CSMD3: variants seen among roughly 807,000 people sequenced by gnomAD.
CSMD3 encodes CUB and Sushi multiple domains 3, also known as CUB and sushi domain-containing protein 3.
A neutral mutation model predicts 435.2 loss-of-function variants in CSMD3; 177 were observed. The observed-to-expected ratio is 0.41, with a 90% CI of 0.36 to 0.46. CSMD3 has a LOEUF of 0.46. CSMD3 is among the 20% of genes least tolerant of loss of function. The pLI, the probability that CSMD3 is intolerant of heterozygous loss-of-function variation, is 0.34. For missense variants in CSMD3, 4,265 were observed against 4,504.6 expected, an observed-to-expected ratio of 0.95 and a Z score of 1.52; for synonymous variants, 1,656 against 1,520.5, an observed-to-expected ratio of 1.09 and a Z score of -2.07.
intron 4 of CSMD3, among the ~76,000 whole-genome samples, chr8:113,120,945 G>A (rs2090968086): frequency 6.6e-6 from 1 of 152,142 alleles, no homozygotes; most frequent in Non-Finnish European, 1.5e-5. Context: ...CAGGGCCTCA[G>A]AAACAACAAT....
chr8:112,357,881 C>T (rs948447914), intron 38 of CSMD3, among the ~76,000 whole-genome samples: 6 of 152,196 alleles, frequency 3.9e-5, no homozygotes, highest in African/African-American at 1.2e-4. Flanking sequence ...AGAGCCCCTA[C>T]ACAGAGTCCC....
chr8:113,131,962 G>T (rs1057355978), intron 4 of CSMD3, among the ~76,000 whole-genome samples: 6 of 152,220 alleles, frequency 3.9e-5, no homozygotes, highest in Non-Finnish European at 7.4e-5. Context: ...AGCATGCCCT[G>T]GATATGAGAC....
At chr8:113,068,012 A>C (rs1282991071) in intron 5 of CSMD3, among the ~76,000 whole-genome samples, 1 of 152,128 alleles carries the variant, frequency 6.6e-6, no homozygotes, top group African/African-American at 2.4e-5. Flanking sequence ...TTTGAATAAA[A>C]TTTCATTACT....
At chr8:113,039,586 C>T (rs1399887682) in intron 5 of CSMD3, among the ~76,000 whole-genome samples, 1 of 152,032 alleles carries the variant, frequency 6.6e-6, no homozygotes, top group East Asian at 1.9e-4. Flanking sequence ...CCTCCACACA[C>T]ATTTATTTGT....
intron 20 of CSMD3, among the ~76,000 whole-genome samples, chr8:112,642,616 A>T (rs1045451612): frequency 1.3e-5 from 2 of 152,202 alleles, no homozygotes; most frequent in Non-Finnish European, 2.9e-5. Flanking sequence ...CACAATGTAA[A>T]TGTAAATGAA....
chr8:113,420,892 G>C (rs1408977860), intron 1 of CSMD3, among the ~76,000 whole-genome samples: 2 of 151,532 alleles, frequency 1.3e-5, no homozygotes, highest in East Asian at 1.9e-4. Context: ...GGAGGTTGTA[G>C]TAGCTGAGAT....
chr8:112,656,778 C>G lies in CSMD3; in HGVS notation c.2817-437G>C, dbSNP rs1181687018. Among the ~76,000 whole-genome samples, 9 of 152,044 alleles carry G rather than the reference C, an allele frequency of 5.9e-5. No individual in the cohort carries two copies. The East Asian group carries it at 1.7e-3, about 29-fold the overall frequency. On this transcript the variant is annotated intron_variant, in intron 17 of 70. Transcript: ENST00000297405. The stretch of plus-strand genomic sequence containing the variant: ...TCTGCTTTTATAATTATTTTTTATT[C>G]AAGTGTTTTTTATTGATACATAACA...
chr8:112,602,044 C>T (rs972179723), intron 22 of CSMD3, among the ~76,000 whole-genome samples: 12 of 152,004 alleles, frequency 7.9e-5, no homozygotes, highest in Admixed American at 7.2e-4. Context: ...GCATTTTCTT[C>T]TATTACTTTA....
chr8:112,586,290 C>T (rs1486595945), intron 23 of CSMD3, among the ~76,000 whole-genome samples: 1 of 151,068 alleles, frequency 6.6e-6, no homozygotes, highest in Non-Finnish European at 1.5e-5. Context: ...TTTAGAAAAA[C>T]TTAACAATTA....
chr8:112,278,359 A>G (rs1334868882), intron 59 of CSMD3, among the ~76,000 whole-genome samples: 1 of 152,180 alleles, frequency 6.6e-6, no homozygotes, highest in African/African-American at 2.4e-5. Context: ...CAAGATTTAA[A>G]TGATAGATCT....
At chr8:112,647,576 G>C (rs2075017204) in intron 19 of CSMD3, among the ~76,000 whole-genome samples, 1 of 152,192 alleles carries the variant, frequency 6.6e-6, no homozygotes, top group South Asian at 2.1e-4. Context: ...AAAGTGCTGG[G>C]ATTACAGGCG....
chr8:112,601,037 G>A (rs771220488), intron 22 of CSMD3, among the ~76,000 whole-genome samples: 63 of 152,022 alleles, frequency 4.1e-4, no homozygotes, highest in Non-Finnish European at 5.4e-4. Context: ...CAATAACAAG[G>A]AGGTAGGAAT....
intron 11 of CSMD3, among the ~76,000 whole-genome samples, chr8:112,830,533 G>T (rs1335421154): frequency 6.6e-6 from 1 of 151,896 alleles, no homozygotes; most frequent in Admixed American, 6.6e-5. Flanking sequence ...ATGTAATTAA[G>T]AATCAGTACA....
chr8:112,409,095 A>C (rs1832108641), intron 32 of CSMD3, 63 bp from the exon 33 acceptor site: 2 of 1,610,244 alleles, frequency 1.2e-6, no homozygotes, highest in Non-Finnish European at 1.7e-6. Flanking sequence ...AAAACAAAAA[A>C]CAAAAAAATA....
chr8:113,403,031 G>C (rs767695528), intron 1 of CSMD3, among the ~76,000 whole-genome samples: 4 of 151,268 alleles, frequency 2.6e-5, no homozygotes, highest in Non-Finnish European at 5.9e-5. Context: ...TGAATGTAAA[G>C]ACCAATTTTT....
chr8:113,406,188 A>C (rs2094532100), intron 1 of CSMD3, among the ~76,000 whole-genome samples: 1 of 151,914 alleles, frequency 6.6e-6, no homozygotes, highest in Admixed American at 6.6e-5. Context: ...GCAAATATTT[A>C]TTGGACATCT....
chr8:112,645,205 TA>T lies in CSMD3; in HGVS notation c.3213del (p.Arg1072GlufsTer20). On this transcript the variant is annotated frameshift_variant, in exon 20 of 71. Coordinates refer to ENST00000297405, the MANE Select transcript of CSMD3 (RefSeq NM_198123.2). LOFTEE classifies it high-confidence loss of function. ...PTCDALCGGD[V>X]RGPSGTILSP... The stretch of plus-strand genomic sequence containing the variant: ...GATAAGATTGTTCCACTAGGCCCTC[TA>T]ACATCTCCTCCACATAATGCTGAAA... 1 of 1,580,644 alleles carries T rather than the reference TA, an allele frequency of 6.3e-7. No homozygotes were observed. Among genetic ancestry groups the T allele is most frequent in the Non-Finnish European group, 8.7e-7 (1 of 1,149,742 alleles).
intron 17 of CSMD3, among the ~76,000 whole-genome samples, chr8:112,664,521 C>G (rs755518778): frequency 2.6e-5 from 4 of 152,064 alleles, no homozygotes; most frequent in African/African-American, 9.7e-5. Context: ...GCAACAACAA[C>G]AACAAAATGC....
intron 9 of CSMD3, among the ~76,000 whole-genome samples, chr8:112,927,630 T>C (rs1487229083): frequency 6.6e-6 from 1 of 152,172 alleles, no homozygotes; most frequent in Admixed American, 6.6e-5. Flanking sequence ...TTTCTGACTC[T>C]AAGTTACATT....
Sources: gnomAD v4.1 joint callset for allele counts (sites outside exome capture counted in the v4.1 genomes callset) on GRCh38, gnomAD v4.1.1 for gene constraint, MANE v1.5 for transcripts, NCBI Gene and HGNC (gene_info 2026-07-23, HGNC 2026-07-21) for gene names.